Variants in TRIM66 observed in about 807,000 individuals in gnomAD.
TRIM66 encodes tripartite motif containing 66.
Under a neutral mutation model 148.2 loss-of-function variants are expected in TRIM66, and 99 were observed. The ratio of observed to expected loss-of-function variants is 0.67; its 90% CI spans 0.57 to 0.79. The LOEUF (loss-of-function observed/expected upper bound fraction) is 0.79, where lower values mean the gene tolerates loss of function less well. Ranked by LOEUF, TRIM66 falls within the 30% of genes least tolerant of loss-of-function variation. The pLI is 0.00. For synonymous variants in TRIM66, 616 were observed against 635.9 expected (o/e 0.97, Z 0.47); for missense variants, 1,666 against 1,697.9 (o/e 0.98, Z 0.33).
intron 6 of TRIM66, among the ~76,000 whole-genome samples, chr11:8,657,356 G>A (rs1412455337): frequency 1.3e-5 from 2 of 152,144 alleles, no homozygotes; most frequent in Non-Finnish European, 2.9e-5. Context: ...AGCATCCACT[G>A]GAGGAGCCTG....
At chr11:8,666,306 T>G (rs1358395126) in intron 6 of TRIM66, among the ~76,000 whole-genome samples, 1 of 116,426 alleles carries the variant, frequency 8.6e-6, no homozygotes, top group Non-Finnish European at 1.6e-5. Context: ...GCCATTGCAA[T>G]CCAGCCTGGG....
intron 6 of TRIM66, among the ~76,000 whole-genome samples, chr11:8,670,160 G>A (rs976281654): frequency 2.0e-5 from 3 of 151,804 alleles, no homozygotes; most frequent in South Asian, 2.1e-4. Flanking sequence ...CTATAGGCAC[G>A]CAACACCATG....
At chr11:8,668,123 G>C (rs966689919) in intron 6 of TRIM66, among the ~76,000 whole-genome samples, 2 of 152,160 alleles carry the variant, frequency 1.3e-5, no homozygotes, top group Admixed American at 6.5e-5. Context: ...TAATGTACTT[G>C]AGGTGGTTTC....
intron 15 of TRIM66, among the ~76,000 whole-genome samples, chr11:8,626,016 T>C (rs933375913): frequency 6.6e-6 from 1 of 152,238 alleles, no homozygotes; most frequent in African/African-American, 2.4e-5. Flanking sequence ...CGTACAATCA[T>C]TGGATAAGGC....
intron 17 of TRIM66, among the ~76,000 whole-genome samples, chr11:8,623,277 G>T (rs532840592): frequency 2.0e-5 from 3 of 152,324 alleles, no homozygotes; most frequent in East Asian, 3.9e-4. Flanking sequence ...AGCAGTGCTT[G>T]AGAATCCAGC....
At chr11:8,670,058 G>A (rs2038847349) in intron 6 of TRIM66, among the ~76,000 whole-genome samples, 1 of 148,976 alleles carries the variant, frequency 6.7e-6, no homozygotes, top group Non-Finnish European at 1.5e-5. Flanking sequence ...TGTCACCCAG[G>A]CTGGCATGCA....
At chr11:8,651,662 G>T in intron 7 of TRIM66, 138 bp downstream of exon 7, 1 of 766,948 alleles carries the variant, frequency 1.3e-6, no homozygotes, top group Non-Finnish European at 2.3e-6. Context: ...CTTCTAGATG[G>T]ATGGATGGAT....
chr11:8,641,124 C>T lies in TRIM66; in HGVS notation c.1251G>A (p.Met417Ile), dbSNP rs1227161577. 3 of 1,551,336 alleles carry T rather than the reference C, an allele frequency of 1.9e-6. No individual in the cohort carries two copies. Among genetic ancestry groups the T allele is most frequent in the South Asian group, 2.4e-5 (2 of 84,054 alleles). ...CATAAGCAGGAGCATCTGCCCTGGA[C>T]ATTTGTCCACCTTCAGTAGTTATGC... ...LGCITTEGGQ[M>I]SRADAPAYGG... The change falls in exon 14 of 25, where the codon ATG becomes ATA. Residue 417 changes from methionine to isoleucine, a missense_variant. Met to Ile is a conservative substitution (Grantham distance 10, BLOSUM62 1). This residue lies in a region of TRIM66 where 1,431 missense variants were observed against 1,412.4 expected (regional missense o/e 1.01). Coordinates refer to ENST00000646038, the MANE Select transcript of TRIM66 (RefSeq NM_001388022.1).
intron 6 of TRIM66, chr11:8,658,807 G>T: frequency 1.0e-6 from 1 of 985,260 alleles, no homozygotes. Flanking sequence ...GAGGGTGTGG[G>T]GGGGCCTTCA....
intron 4 of TRIM66, among the ~76,000 whole-genome samples, chr11:8,673,422 A>G (rs2039037130): frequency 6.6e-6 from 1 of 152,232 alleles, no homozygotes; most frequent in Non-Finnish European, 1.5e-5. Context: ...AGTACACACT[A>G]GGCAGTATTA....
intron 6 of TRIM66, among the ~76,000 whole-genome samples, chr11:8,669,027 T>A (rs115831081): frequency 3.3e-5 from 5 of 152,172 alleles, no homozygotes; most frequent in Non-Finnish European, 5.9e-5. Context: ...AGGAAACAAA[T>A]AGACTTCACC....
At chr11:8,682,777 T>G, upstream of TRIM66, 1 of 1,613,632 alleles carries the variant, frequency 6.2e-7, no homozygotes, top group Non-Finnish European at 8.5e-7. Context: ...CTCGCGAGAC[T>G]TGGCGAAGGC....
chr11:8,619,672 C>A, intron 22 of TRIM66, 137 bp from the exon 23 acceptor site: 1 of 918,768 alleles, frequency 1.1e-6, no homozygotes, highest in East Asian at 2.7e-5. Context: ...TGAGGAGCAG[C>A]AGGAAGAAAA....
chr11:8,635,995 A>G (rs2035847327), intron 15 of TRIM66, among the ~76,000 whole-genome samples: 1 of 152,236 alleles, frequency 6.6e-6, no homozygotes, highest in Non-Finnish European at 1.5e-5. Flanking sequence ...CAATGAGCAA[A>G]TTATGACAGT....
chr11:8,623,094 CAAGT>C (rs2034466185), intron 17 of TRIM66, among the ~76,000 whole-genome samples: 1 of 152,214 alleles, frequency 6.6e-6, no homozygotes, highest in Non-Finnish European at 1.5e-5. Flanking sequence ...AAGATGAACA[CAAGT>C]AACACTCAAG....
upstream of TRIM66, chr11:8,683,174 G>A (rs200301068): frequency 9.3e-6 from 15 of 1,612,440 alleles, no homozygotes; most frequent in Non-Finnish European, 1.7e-6. Flanking sequence ...AATTCCTTAG[G>A]CCTTACCACC....
At chr11:8,680,335 A>G (rs1229149732) in intron 1 of TRIM66, among the ~76,000 whole-genome samples, 3 of 152,236 alleles carry the variant, frequency 2.0e-5, no homozygotes, top group Non-Finnish European at 4.4e-5. Flanking sequence ...TTTTCGGAAT[A>G]CTAACGTGGT....
At chr11:8,661,943 C>G (rs1429053662) in intron 6 of TRIM66, among the ~76,000 whole-genome samples, 5 of 152,222 alleles carry the variant, frequency 3.3e-5, no homozygotes, top group African/African-American at 9.6e-5. Flanking sequence ...AGCACCTCCC[C>G]CAAAACACAG....
In TRIM66 at chr11:8,674,823, CTGTTA is replaced by C. The variant is rs1420529284; in HGVS notation, c.-134_-130del. The C allele has an allele frequency of 6.6e-6, 1 of 152,204 alleles. No homozygotes were observed. The highest frequency in any genetic ancestry group is 2.4e-5 in the African/African-American group (1 of 41,452). 9.4% of individuals were successfully genotyped at this position (152,204 alleles called of 1,614,324 possible). On this transcript the variant is annotated 5_prime_UTR_variant, in exon 4 of 25. Coordinates refer to ENST00000646038, the MANE Select transcript of TRIM66 (RefSeq NM_001388022.1). ...TCCCATACCTGTTTCTGCAGTCAAT[CTGTTA>C]TATGTTGTTTTGTTCACAGTATATG...
Sources: allele counts gnomAD v4.1 joint callset (sites outside exome capture counted in the v4.1 genomes callset), GRCh38; gene constraint gnomAD v4.1.1; regional missense constraint gnomAD v4.1.1; transcripts MANE v1.5; gene names NCBI Gene and HGNC (gene_info 2026-07-23, HGNC 2026-07-21).